Variants in KANSL1L observed in about 807,000 individuals in gnomAD.
KANSL1L encodes KAT8 regulatory NSL complex subunit 1 like.
KANSL1L carries 25 observed loss-of-function variants against 108.6 expected under a neutral mutation model. That is an observed-to-expected ratio of 0.23 (90% CI 0.17 to 0.32). KANSL1L has a LOEUF of 0.32. Ranked by LOEUF, KANSL1L falls within the 10% of genes least tolerant of loss-of-function variation. KANSL1L has a pLI of 1.00. For missense variants in KANSL1L, 1,137 were observed against 1,125.7 expected, an observed-to-expected ratio of 1.01 and a Z score of -0.14; for synonymous variants, 405 against 395.1, an observed-to-expected ratio of 1.03 and a Z score of -0.30.
intron 11 of KANSL1L, among the ~76,000 whole-genome samples, chr2:210,028,115 A>T (rs919796868): frequency 6.6e-6 from 1 of 152,230 alleles, no homozygotes; most frequent in East Asian, 1.9e-4. Context: ...CGTTACTGCC[A>T]GTAGGGAGCA....
chr2:210,075,480 T>A (rs2094535839), intron 6 of KANSL1L, 72 bp downstream of exon 6: 7 of 983,708 alleles, frequency 7.1e-6, no homozygotes, highest in Non-Finnish European at 9.6e-6. Context: ...AATAACAATC[T>A]ACATCTTCTC....
rs1233922916 is a variant in KANSL1L at position 210,153,957 on chromosome 2, A to C, written c.626T>G (p.Val209Gly). The change falls in exon 2 of 15, where the codon GTT becomes GGT. Residue 209 changes from valine to glycine, a missense_variant. Val to Gly is a moderately radical substitution (Grantham distance 109, BLOSUM62 -3). Coordinates refer to ENST00000281772, the MANE Select transcript of KANSL1L (RefSeq NM_152519.4). The stretch of plus-strand genomic sequence containing the variant: ...CTCTTTTTCAGCAGCTGAAGAACTA[A>C]CAGGCACATTTGAGTGGCCAGGTAC... Reference protein sequence around the residue: ...KIVPGHSNVPVSSSAAEKEEE... With the variant: ...KIVPGHSNVPGSSSAAEKEEE... 2 of 1,613,614 alleles carry C rather than the reference A, an allele frequency of 1.2e-6. No individual in the cohort carries two copies. Among genetic ancestry groups the C allele is most frequent in the Non-Finnish European group, 1.7e-6 (2 of 1,180,006 alleles).
rs189672309 is a variant in KANSL1L at position 210,151,051 on chromosome 2, C to T, written c.1088+2444G>A. 2.6e-5 allele frequency among the ~76,000 whole-genome samples: 4 copies of T among 152,114 alleles called. No individual in the cohort carries two copies. The East Asian group carries it at 5.8e-4, about 22-fold the overall frequency. ...CTTTTTTTGATATGAGTTTTACTCC[C>T]GTCACACAGACTGGAGTGCAAGGGG... On this transcript the variant is annotated intron_variant, in intron 2 of 14. Coordinates refer to ENST00000281772, the MANE Select transcript of KANSL1L (RefSeq NM_152519.4).
Position 210,044,857 on chromosome 2 carries a change from C to T in KANSL1L, c.1756-753G>A, listed in dbSNP as rs2094206775. On this transcript the variant is annotated intron_variant, in intron 6 of 14. Coordinates refer to ENST00000281772, the MANE Select transcript of KANSL1L (RefSeq NM_152519.4). The surrounding 1 kb of genome is among the most constrained non-coding windows in gnomAD (Gnocchi z 4.2). Reference sequence around the variant, plus strand: ...GGATCTCGGCTCACTGCAACTTCTGCCTCCCGGGTTCAAGCGATTCTCCTG... The same window carrying T: ...GGATCTCGGCTCACTGCAACTTCTGTCTCCCGGGTTCAAGCGATTCTCCTG... Among the ~76,000 whole-genome samples the T allele has an allele frequency of 4.6e-5, 7 of 152,034 alleles. No homozygotes were observed. In the South Asian group the frequency reaches 1.2e-3, roughly 27 times the overall value.
chr2:210,084,698 C>T (rs2094621513), intron 5 of KANSL1L, among the ~76,000 whole-genome samples: 1 of 152,036 alleles, frequency 6.6e-6, no homozygotes, highest in African/African-American at 2.4e-5. Flanking sequence ...ACTGCAACCT[C>T]CGGCTCCCAG....
intron 6 of KANSL1L, among the ~76,000 whole-genome samples, chr2:210,066,224 A>G (rs938181145): frequency 1.3e-5 from 2 of 152,320 alleles, no homozygotes; most frequent in Non-Finnish European, 2.9e-5. Context: ...GAGTGAAGGA[A>G]GCCCAGCTAT....
At chr2:210,169,552 ATTG>A (rs1688203102) in intron 1 of KANSL1L, among the ~76,000 whole-genome samples, 2 of 152,322 alleles carry the variant, frequency 1.3e-5, no homozygotes, top group Admixed American at 6.5e-5. Flanking sequence ...AAAATAATCG[ATTG>A]TTATTTGCAA....
chr2:210,038,016 A>T (rs2094126345), intron 8 of KANSL1L, among the ~76,000 whole-genome samples: 1 of 152,136 alleles, frequency 6.6e-6, no homozygotes, highest in Non-Finnish European at 1.5e-5. Flanking sequence ...AAATATTTTT[A>T]TCCTTTTATA....
intron 11 of KANSL1L, chr2:210,028,317 C>A (rs1381755197): frequency 6.6e-6 from 1 of 152,134 alleles, no homozygotes; most frequent in Admixed American, 6.6e-5. Context: ...CCTTCTCCAC[C>A]TTCCCATTCC....
Position 210,040,447 on chromosome 2 carries a change from C to G in KANSL1L, c.2002G>C (p.Asp668His). Residue 668 changes from aspartate (D) to histidine (H), a missense_variant, in exon 8 of 15, where the codon GAT becomes CAT. Coordinates refer to ENST00000281772, the MANE Select transcript of KANSL1L (RefSeq NM_152519.4). ...KGNLAENKFV[D>H]EYIISPSPVH... ...GGTGATGGAGATATGATATATTCATCTACAAATTTATTTTCAGCAAGATTG... is the reference window on the plus strand; with the variant it reads ...GGTGATGGAGATATGATATATTCATGTACAAATTTATTTTCAGCAAGATTG... 1 of 1,525,316 alleles carries G rather than the reference C, an allele frequency of 6.6e-7. No homozygotes were observed. The highest frequency in any genetic ancestry group is 9.1e-7 in the Non-Finnish European group (1 of 1,102,480). The allele number at this position is 1,525,316 out of a possible 1,614,324, so 94.5% of individuals were successfully genotyped here.
rs1435747846 is a variant in KANSL1L, at chr2:210,153,993, T to C, written c.590A>G (p.Gln197Arg). The C allele has an allele frequency of 6.2e-7, 1 of 1,613,876 alleles. No individual in the cohort carries two copies. The highest frequency in any genetic ancestry group is 1.7e-5 in the Admixed American group (1 of 60,028). The change falls in exon 2 of 15, where the codon CAA (glutamine) becomes CGA (arginine). Residue 197 changes from glutamine (Q) to arginine (R), a missense_variant. Gln to Arg is a conservative substitution (Grantham distance 43). Around this residue, in one of 3 missense-constraint regions of KANSL1L, gnomAD observed 556 missense variants for 537.7 expected, o/e 1.03. Transcript: ENST00000281772. Reference sequence around the variant, plus strand: ...TGAGTGGCCAGGTACAATTTTCTTTTGAGTACAGTGCAATAAACCCTTTTT... The same window carrying C: ...TGAGTGGCCAGGTACAATTTTCTTTCGAGTACAGTGCAATAAACCCTTTTT... Reference protein sequence around the residue: ...EIKKGLLHCTQKKIVPGHSNV... With the variant: ...EIKKGLLHCTRKKIVPGHSNV...
At chr2:210,149,686 T>C (rs2095288830) in intron 2 of KANSL1L, among the ~76,000 whole-genome samples, 1 of 152,000 alleles carries the variant, frequency 6.6e-6, no homozygotes, top group African/African-American at 2.4e-5. Context: ...AAGCAGAAAC[T>C]GTTTTTATAT....
At chr2:210,069,756 A>G (rs1485155728) in intron 6 of KANSL1L, among the ~76,000 whole-genome samples, 2 of 91,134 alleles carry the variant, frequency 2.2e-5, no homozygotes, top group African/African-American at 7.3e-5. Flanking sequence ...CAACACCTTG[A>G]TTTTAACTTA....
At chr2:210,154,782 C>T (rs1270924537) in intron 1 of KANSL1L, among the ~76,000 whole-genome samples, 171 bp from the exon 2 acceptor site, 2 of 152,162 alleles carry the variant, frequency 1.3e-5, no homozygotes, top group Non-Finnish European at 2.9e-5. Context: ...CTATTCTTCC[C>T]TCTGACTGGG....
At position 210,153,951 on chromosome 2, in the gene KANSL1L, G is replaced by T; in HGVS notation, c.632C>A (p.Ser211Tyr). Residue 211 changes from serine (S) to tyrosine (Y), a missense_variant, in exon 2 of 15, where the codon TCT (serine) becomes TAT (tyrosine). Around this residue, in one of 3 missense-constraint regions of KANSL1L, gnomAD observed 556 missense variants for 537.7 expected, o/e 1.03. Transcript: ENST00000281772. ...VPGHSNVPVS[S>Y]SAAEKEEEVH... ...TTCCTCCTCTTTTTCAGCAGCTGAAGAACTAACAGGCACATTTGAGTGGCC... is the reference window on the plus strand; with the variant it reads ...TTCCTCCTCTTTTTCAGCAGCTGAATAACTAACAGGCACATTTGAGTGGCC... 1 of 1,613,468 alleles carries T rather than the reference G, an allele frequency of 6.2e-7. No homozygotes were observed. The highest frequency in any genetic ancestry group is 8.5e-7 in the Non-Finnish European group (1 of 1,179,978).
chr2:210,106,913 G>C (rs1003191164), intron 3 of KANSL1L, among the ~76,000 whole-genome samples: 1 of 152,096 alleles, frequency 6.6e-6, no homozygotes, highest in African/African-American at 2.4e-5. Flanking sequence ...CAAGAATGGA[G>C]AGGAAAGGGT....
chr2:210,069,655 G>T (rs2094492087), intron 6 of KANSL1L, among the ~76,000 whole-genome samples: 1 of 152,046 alleles, frequency 6.6e-6, no homozygotes, highest in African/African-American at 2.4e-5. Flanking sequence ...GATGGCTCTA[G>T]GGGAGAATCC....
chr2:210,074,736 T>C (rs1447620508), intron 6 of KANSL1L, among the ~76,000 whole-genome samples: 3 of 152,240 alleles, frequency 2.0e-5, no homozygotes, highest in Non-Finnish European at 4.4e-5. Flanking sequence ...AGCTTAAAAT[T>C]GTTTCCTAAT....
At chr2:210,085,875 T>C (rs976555437) in intron 5 of KANSL1L, among the ~76,000 whole-genome samples, 2 of 150,168 alleles carry the variant, frequency 1.3e-5, no homozygotes, top group Non-Finnish European at 1.5e-5. Flanking sequence ...ATTAGAGTTA[T>C]AAAGGAAAAA....
Sources: gnomAD v4.1 joint callset for allele counts (sites outside exome capture counted in the v4.1 genomes callset) on GRCh38, gnomAD v4.1.1 for gene constraint, gnomAD v4.1.1 regional missense constraint, Gnocchi (gnomAD v3.1) non-coding constraint, MANE v1.5 for transcripts, NCBI Gene and HGNC (gene_info 2026-07-23, HGNC 2026-07-21) for gene names.